PLCG2: variants seen among roughly 807,000 people sequenced by gnomAD.
The protein encoded by PLCG2 is 1-phosphatidylinositol 4,5-bisphosphate phosphodiesterase gamma-2.
In PLCG2, 69 loss-of-function variants were observed where a neutral mutation model predicts 175.6. That is an observed-to-expected ratio of 0.39 (90% CI 0.32 to 0.48). The LOEUF (loss-of-function observed/expected upper bound fraction) is 0.48, where lower values mean the gene tolerates loss of function less well. Among genes scored for constraint, PLCG2 ranks in the 20% least tolerant of loss-of-function variants. PLCG2 has a pLI of 0.91. For synonymous variants in PLCG2, 827 were observed against 624.0 expected (o/e 1.33, Z -4.85); for missense variants, 1,798 against 1,650.9 (o/e 1.09, Z -1.54).
At chr16:81,865,801 ACT>A (rs1348086228) in intron 5 of PLCG2, among the ~76,000 whole-genome samples, 1 of 144,734 alleles carries the variant, frequency 6.9e-6, no homozygotes, top group East Asian at 2.1e-4. Flanking sequence ...GATGGGCTCC[ACT>A]GGGCACCAGC....
chr16:81,750,662 G>GGTTTTTTTTTTTT (rs1567692941), intron 1 of PLCG2, among the ~76,000 whole-genome samples: 1 of 18,586 alleles, frequency 5.4e-5, no homozygotes, highest in Non-Finnish European at 1.2e-4. Context: ...GGGGACTGGA[G>GGTTTTTTTTTTTT]ATTTTTTTTT....
intron 6 of PLCG2, among the ~76,000 whole-genome samples, chr16:81,869,843 A>G (rs1907427880): frequency 6.6e-6 from 1 of 152,116 alleles, no homozygotes; most frequent in Non-Finnish European, 1.5e-5. Flanking sequence ...GAGTGATGGG[A>G]TATAGTAGAG....
In PLCG2 at chr16:81,854,625, C is replaced by A. The variant is rs760503561; in HGVS notation, c.337+38C>A. 18 of 1,595,308 alleles carry A rather than the reference C, an allele frequency of 1.1e-5. No individual in the cohort carries two copies. In the South Asian group the frequency reaches 1.5e-4, roughly 14 times the overall value. On this transcript the variant is annotated intron_variant, in intron 3 of 32. Transcript: ENST00000564138. ...TTCTGTGCCTTTCTCCTTCCCTGTG[C>A]CTTAGTGTCTTCCTGAAGAAGTTCG...
At chr16:81,776,162 G>A (rs1475017198), upstream of PLCG2, among the ~76,000 whole-genome samples, 1 of 130,940 alleles carries the variant, frequency 7.6e-6, no homozygotes, top group East Asian at 2.4e-4. Flanking sequence ...AGGCTAGAGT[G>A]CAGTGGTACA....
At chr16:81,883,658 C>T (rs1028729953) in intron 9 of PLCG2, 3 of 382,976 alleles carry the variant, frequency 7.8e-6, no homozygotes, top group South Asian at 2.9e-5. Context: ...GCTGCCCTCA[C>T]CTGGCTGGGT....
chr16:81,931,573 G>A lies in PLCG2; in HGVS notation c.2658G>A (p.Val886=), dbSNP rs549242688. 180 of 1,614,122 alleles carry A rather than the reference G, an allele frequency of 1.1e-4. 3 individuals carry two copies. The South Asian group carries it at 1.9e-3, about 17-fold the overall frequency. Residue 886 remains valine (V), a synonymous_variant, in exon 25 of 33, where the codon GTG becomes GTA. Transcript: ENST00000564138. ...LEPKQQGDPP[V]EFATDRVEEL... is the part of the protein sequence containing the mutation. The stretch of plus-strand genomic sequence containing the variant: ...CCAAGCAGCAGGGCGATCCTCCGGT[G>A]GAGTTTGCCACAGACAGGGTGGAGG...
chr16:81,912,839 A>T (rs1909689684), intron 19 of PLCG2, 123 bp downstream of exon 19: 2 of 1,217,656 alleles, frequency 1.6e-6, no homozygotes, highest in Non-Finnish European at 2.2e-6. Flanking sequence ...AGCATCAGCG[A>T]CAACAACAAC....
chr16:81,792,817 A>G (rs1911299893), intron 2 of PLCG2, among the ~76,000 whole-genome samples: 1 of 152,136 alleles, frequency 6.6e-6, no homozygotes, highest in African/African-American at 2.4e-5. Flanking sequence ...CATGAGGATT[A>G]TGGGAACGAC....
chr16:81,828,906 T>A (rs546086271), intron 2 of PLCG2, among the ~76,000 whole-genome samples: 1 of 152,320 alleles, frequency 6.6e-6, no homozygotes, highest in African/African-American at 2.4e-5. Context: ...TAAGAGGCTG[T>A]ATCTTACCAA....
At chr16:81,801,477 C>G (rs1186331941) in intron 2 of PLCG2, among the ~76,000 whole-genome samples, 1 of 152,140 alleles carries the variant, frequency 6.6e-6, no homozygotes, top group Non-Finnish European at 1.5e-5. Flanking sequence ...ATTTTAACAT[C>G]CATGAGCAAT....
At chr16:81,891,431 C>A in intron 10 of PLCG2, 41 bp from the exon 11 acceptor site, 1 of 1,105,160 alleles carries the variant, frequency 9.0e-7, no homozygotes, top group Non-Finnish European at 1.4e-6. Flanking sequence ...CCATCCTGCC[C>A]GTCAACGTGA....
In PLCG2 at chr16:81,837,322, C is replaced by G. The variant is rs574059834; in HGVS notation, c.194-17122C>G. On this transcript the variant is annotated intron_variant, in intron 2 of 32. Transcript: ENST00000564138. ...GCTGACATTCCTAGGAATTGTGGTC[C>G]CAGCTGGCTTCTATAGCTGTGTGAC... Among the ~76,000 whole-genome samples, 3 of 152,290 alleles carry G rather than the reference C, an allele frequency of 2.0e-5. No homozygotes were observed. The East Asian group carries it at 5.8e-4, about 29-fold the overall frequency.
In PLCG2 at chr16:81,901,102, C is replaced by G. The variant is rs576995489; in HGVS notation, c.1362+322C>G. Among the ~76,000 whole-genome samples the G allele has an allele frequency of 4.6e-5, 7 of 152,332 alleles. No individual in the cohort carries two copies. The South Asian group carries it at 1.4e-3, about 32-fold the overall frequency. ...GGTTGGTGCTACGTTAAGTGCTAAC[C>G]TGTTATAGTTCATTTGTTCATTGGT... On this transcript the variant is annotated intron_variant, in intron 14 of 32. Coordinates refer to ENST00000564138, the MANE Select transcript of PLCG2 (RefSeq NM_002661.5).
intron 2 of PLCG2, among the ~76,000 whole-genome samples, chr16:81,852,953 T>G (rs981389494): frequency 3.9e-5 from 6 of 152,174 alleles, no homozygotes; most frequent in Non-Finnish European, 8.8e-5. Context: ...TCTTACAGCA[T>G]GGTGGTCTCC....
chr16:81,782,506 G>A (rs568498394), intron 1 of PLCG2, among the ~76,000 whole-genome samples: 110 of 152,350 alleles, frequency 7.2e-4, no homozygotes, highest in African/African-American at 2.6e-3. Flanking sequence ...TTGATAAAGC[G>A]TGGAACGCTG....
intron 5 of PLCG2, among the ~76,000 whole-genome samples, chr16:81,860,767 T>A (rs1906940025): frequency 6.6e-6 from 1 of 152,050 alleles, no homozygotes; most frequent in Admixed American, 6.5e-5. Context: ...GCTCAGGAGT[T>A]CGAGACCAGC....
At chr16:81,926,997 A>G (rs1479234031) in intron 22 of PLCG2, 85 bp from the exon 23 acceptor site, 1 of 839,662 alleles carries the variant, frequency 1.2e-6, no homozygotes, top group Non-Finnish European at 2.1e-6. Context: ...ATCAGAATTG[A>G]GCCAGCAGCC....
chr16:81,923,648 C>A, intron 22 of PLCG2, 54 bp downstream of exon 22: 1 of 1,097,496 alleles, frequency 9.1e-7, no homozygotes, highest in Non-Finnish European at 1.4e-6. Flanking sequence ...CTTGTCCCTT[C>A]TTGGTGATAA....
At chr16:81,758,947 A>T (rs1396604483) in intron 2 of PLCG2, among the ~76,000 whole-genome samples, 1 of 152,072 alleles carries the variant, frequency 6.6e-6, no homozygotes, top group Non-Finnish European at 1.5e-5. Context: ...CAAAGTGCTG[A>T]GATTACAGGC....
Sources: allele counts gnomAD v4.1 joint callset (sites outside exome capture counted in the v4.1 genomes callset), GRCh38; gene constraint gnomAD v4.1.1; transcripts MANE v1.5; gene names NCBI Gene and HGNC (gene_info 2026-07-23, HGNC 2026-07-21).